Variants in PCSK2 observed in about 807,000 individuals in gnomAD.
PCSK2 encodes the protein proprotein convertase subtilisin/kexin type 2.
PCSK2 carries 14 observed loss-of-function variants against 69.7 expected under a neutral mutation model. The ratio of observed to expected loss-of-function variants is 0.20; its 90% CI spans 0.13 to 0.31. The LOEUF (loss-of-function observed/expected upper bound fraction) is 0.31, where lower values mean the gene tolerates loss of function less well. PCSK2 is among the 10% of genes least tolerant of loss of function. The probability of loss-of-function intolerance (pLI) is 1.00; values close to 1 mark genes in which losing one functional copy is unlikely to be tolerated. For synonymous variants in PCSK2, 307 were observed against 320.7 expected (o/e 0.96, Z 0.46); for missense variants, 544 against 842.5 (o/e 0.65, Z 4.39).
At chr20:17,315,202 T>C (rs1346647538) in intron 2 of PCSK2, among the ~76,000 whole-genome samples, 1 of 152,046 alleles carries the variant, frequency 6.6e-6, no homozygotes, top group African/African-American at 2.4e-5. Context: ...TTATCATAAC[T>C]GCCTGACTCT....
In PCSK2 at chr20:17,453,766, TAC is replaced by T; in HGVS notation, c.911_912del (p.Tyr304CysfsTer11). 1 of 1,613,792 alleles carries T rather than the reference TAC, an allele frequency of 6.2e-7. No homozygotes were observed. The highest frequency in any genetic ancestry group is 8.5e-7 in the Non-Finnish European group (1 of 1,179,946). On this transcript the variant is annotated frameshift_variant, in exon 9 of 12. Transcript: ENST00000262545. LOFTEE classifies it high-confidence loss of function. The surrounding 1 kb of genome is among the most constrained non-coding windows in gnomAD (Gnocchi z 4.0). ...NKGRGGKGSI[Y>X]VWASGDGGSY... ...GGGCCGCGGCGGCAAAGGCAGCATCTACGTGTGGGCCTCCGGGGACGGCGGCA... is the reference window on the plus strand; with the variant it reads ...GGGCCGCGGCGGCAAAGGCAGCATCTGTGTGGGCCTCCGGGGACGGCGGCA...
At chr20:17,282,170 G>A (rs1304022061) in intron 2 of PCSK2, among the ~76,000 whole-genome samples, 9 of 151,720 alleles carry the variant, frequency 5.9e-5, no homozygotes. Context: ...TATATATATG[G>A]ATTTATGTTT....
intron 2 of PCSK2, among the ~76,000 whole-genome samples, chr20:17,280,866 G>A (rs1014374575): frequency 6.6e-5 from 10 of 152,176 alleles, no homozygotes; most frequent in Non-Finnish European, 8.8e-5. Context: ...GTGGAGGCCC[G>A]TATCTGCTGC....
At chr20:17,397,624 G>T (rs185739768) in intron 5 of PCSK2, among the ~76,000 whole-genome samples, 10 of 152,078 alleles carry the variant, frequency 6.6e-5, no homozygotes, top group Non-Finnish European at 1.5e-5. Context: ...GATTACAGGT[G>T]CCCGCCACCA....
chr20:17,411,754 C>A (rs1369566955), intron 6 of PCSK2, among the ~76,000 whole-genome samples: 1 of 152,242 alleles, frequency 6.6e-6, no homozygotes, highest in Non-Finnish European at 1.5e-5. Context: ...CTAGGAGACA[C>A]CTCCCAGTAG....
chr20:17,451,213 C>T (rs568562024), intron 8 of PCSK2, among the ~76,000 whole-genome samples: 12 of 152,356 alleles, frequency 7.9e-5, no homozygotes, highest in South Asian at 2.1e-4. Flanking sequence ...TTACTGTTCA[C>T]GGTTCAGAAA....
Position 17,294,352 on chromosome 20 carries a change from C to T in PCSK2, c.282+34008C>T, listed in dbSNP as rs545185774. Among the ~76,000 whole-genome samples, 810 of 151,930 alleles carry T rather than the reference C, an allele frequency of 5.3e-3. 4 individuals carry two copies. The highest frequency in any genetic ancestry group is 7.2e-3 in the Non-Finnish European group (489 of 67,948). ...CGATCTCCTGACCTCGTGATCCACC[C>T]GCCTCGGCCTCCCAAAGTGCTGGGA... On this transcript the variant is annotated intron_variant, in intron 2 of 11. Transcript: ENST00000262545.
chr20:17,359,001 GCATTTTGTGGGTCAC>G (rs1373930252), intron 3 of PCSK2, among the ~76,000 whole-genome samples: 1 of 152,208 alleles, frequency 6.6e-6, no homozygotes, highest in Non-Finnish European at 1.5e-5. Flanking sequence ...GGTGAAGTGA[GCATTTTGTGGGTCAC>G]CAACAGTTCA....
Position 17,358,346 on chromosome 20 carries a change from A to T in PCSK2, c.302A>T (p.Gln101Leu). 6.2e-7 allele frequency: 1 copy of T among 1,606,320 alleles called. No individual in the cohort carries two copies. Among genetic ancestry groups the T allele is most frequent in the South Asian group, 1.1e-5 (1 of 90,908 alleles). ...RDPRVKMALQQEGFDRKKRGY... is the reference protein window; with the variant it reads ...RDPRVKMALQLEGFDRKKRGY... ...TTCCAGGTAAAGATGGCTTTGCAGC[A>T]GGAAGGATTTGACCGAAAAAAGCGA... Residue 101 changes from glutamine to leucine, a missense_variant, in exon 3 of 12, where the codon CAG becomes CTG. This residue lies in a region of PCSK2 where 157 missense variants were observed against 155.0 expected (regional missense o/e 1.01). Coordinates refer to ENST00000262545, the MANE Select transcript of PCSK2 (RefSeq NM_002594.5).
chr20:17,464,915 C>A, intron 10 of PCSK2: 2 of 256,492 alleles, frequency 7.8e-6, no homozygotes, highest in South Asian at 5.4e-5. Flanking sequence ...AAAGAATTTC[C>A]AGGCCATAGC....
At chr20:17,278,850 C>A (rs6044722) in intron 2 of PCSK2, among the ~76,000 whole-genome samples, 1 of 146,758 alleles carries the variant, frequency 6.8e-6, no homozygotes, top group Admixed American at 6.8e-5. Flanking sequence ...CCTCTGTTGC[C>A]TTTTTTTTTT....
At chr20:17,247,007 C>A (rs1986795496) in intron 1 of PCSK2, among the ~76,000 whole-genome samples, 3 of 152,170 alleles carry the variant, frequency 2.0e-5, no homozygotes, top group South Asian at 4.1e-4. Context: ...TTTTACCTTG[C>A]ACACAATCCA....
intron 8 of PCSK2, among the ~76,000 whole-genome samples, chr20:17,447,910 C>T (rs1600587676): frequency 6.6e-6 from 1 of 152,282 alleles, no homozygotes; most frequent in Non-Finnish European, 1.5e-5. Context: ...CCCAATTTCA[C>T]TTTCAAGCCC....
rs1990721150 is a variant in PCSK2, at chr20:17,347,946, A to AG, written c.283-10381_283-10380insG. 8.2e-5 allele frequency among the ~76,000 whole-genome samples: 6 copies of AG among 72,902 alleles called. 2 individuals carry two copies. Among genetic ancestry groups the AG allele is most frequent in the African/African-American group, 2.0e-4 (5 of 25,582 alleles). 47.8% of individuals were successfully genotyped at this position (72,902 alleles called of 152,430 possible). On this transcript the variant is annotated intron_variant, in intron 2 of 11. Coordinates refer to ENST00000262545, the MANE Select transcript of PCSK2 (RefSeq NM_002594.5). The stretch of plus-strand genomic sequence containing the variant: ...GAGAGAGAAAAAAGAGAAAGAAAGA[A>AG]AGAAAGAAAGAAAGAGAAAGAAAGA...
At chr20:17,428,006 G>A (rs956482599) in intron 6 of PCSK2, among the ~76,000 whole-genome samples, 1 of 152,176 alleles carries the variant, frequency 6.6e-6, no homozygotes, top group African/African-American at 2.4e-5. Context: ...TTGTGAGAAG[G>A]CTTGGTGTTA....
chr20:17,399,756 G>C (rs1038925562), intron 5 of PCSK2, among the ~76,000 whole-genome samples: 1 of 152,196 alleles, frequency 6.6e-6, no homozygotes, highest in Admixed American at 6.5e-5. Context: ...TGATTGTCAA[G>C]CTGTACTCAG....
At chr20:17,415,936 A>G (rs919975006) in intron 6 of PCSK2, among the ~76,000 whole-genome samples, 27 of 152,234 alleles carry the variant, frequency 1.8e-4, no homozygotes, top group African/African-American at 5.3e-4. Flanking sequence ...AGGATTCCCT[A>G]TTTAATAAAT....
At position 17,255,233 on chromosome 20, in the gene PCSK2, C is replaced by T. The variant is rs563547538; in HGVS notation, c.178-5007C>T. On this transcript the variant is annotated intron_variant, in intron 1 of 11. Transcript: ENST00000262545. ...AAGTGGCAAGAGCAGATAACTTTGTCTTGTTCTGGTCTTAAGAAAATCATT... is the reference window on the plus strand; with the variant it reads ...AAGTGGCAAGAGCAGATAACTTTGTTTTGTTCTGGTCTTAAGAAAATCATT... Among the ~76,000 whole-genome samples, 12 of 152,284 alleles carry T rather than the reference C, an allele frequency of 7.9e-5. No individual in the cohort carries two copies. The South Asian group carries it at 2.5e-3, about 32-fold the overall frequency.
chr20:17,311,684 G>C (rs4814603), intron 2 of PCSK2, among the ~76,000 whole-genome samples: 1 of 151,914 alleles, frequency 6.6e-6, no homozygotes, highest in Non-Finnish European at 1.5e-5. Context: ...TACATCTTGT[G>C]ATCCTAGTAC....
Sources: allele counts gnomAD v4.1 joint callset (sites outside exome capture counted in the v4.1 genomes callset), GRCh38; gene constraint gnomAD v4.1.1; regional missense constraint gnomAD v4.1.1; non-coding constraint Gnocchi (gnomAD v3.1); transcripts MANE v1.5; gene names NCBI Gene and HGNC (gene_info 2026-07-23, HGNC 2026-07-21).